The following RGS6 variants were observed in gnomAD, a reference collection of about 807,000 sequenced individuals.
RGS6 encodes regulator of G-protein signaling 6.
In RGS6, 30 loss-of-function variants were observed where a neutral mutation model predicts 78.5. The ratio of observed to expected loss-of-function variants is 0.38; its 90% CI spans 0.29 to 0.52. The LOEUF (loss-of-function observed/expected upper bound fraction) is 0.52, where lower values mean the gene tolerates loss of function less well. Among genes scored for constraint, RGS6 ranks in the 20% least tolerant of loss-of-function variants. The probability of loss-of-function intolerance (pLI) is 0.85; values close to 1 mark genes in which losing one functional copy is unlikely to be tolerated. For synonymous variants in RGS6, 206 were observed against 206.0 expected, an observed-to-expected ratio of 1.00 and a Z score of 0.00; for missense variants, 495 against 609.7, an observed-to-expected ratio of 0.81 and a Z score of 1.98.
the RGS6 span, among the ~76,000 whole-genome samples, chr14:72,595,563 C>T: frequency 2.0e-5 from 3 of 152,178 alleles, no homozygotes; most frequent in Admixed American, 6.5e-5. Flanking sequence ...TATGAAGGTC[C>T]TCATGGTGTT....
chr14:72,154,990 T>C (rs2096749879), intron 2 of RGS6, among the ~76,000 whole-genome samples: 3 of 152,212 alleles, frequency 2.0e-5, no homozygotes, highest in African/African-American at 4.8e-5. Flanking sequence ...AATTCAGTCC[T>C]CCGTATGAAG....
chr14:72,297,468 C>T (rs1176370699), intron 2 of RGS6, among the ~76,000 whole-genome samples: 1 of 150,718 alleles, frequency 6.6e-6, no homozygotes, highest in African/African-American at 2.4e-5. Flanking sequence ...TACATGTGCA[C>T]ATTGTGCAGG....
chr14:72,206,038 A>G (rs1415256137), intron 2 of RGS6, among the ~76,000 whole-genome samples: 4 of 152,260 alleles, frequency 2.6e-5, no homozygotes, highest in African/African-American at 9.6e-5. Flanking sequence ...ATTCTTGCAC[A>G]TATATACAAG....
intron 2 of RGS6, among the ~76,000 whole-genome samples, chr14:72,144,745 C>CT (rs2096585268): frequency 6.8e-6 from 1 of 147,526 alleles, no homozygotes; most frequent in African/African-American, 2.5e-5. Context: ...ATTCATGATT[C>CT]ATTTTTTTTT....
chr14:72,583,845 G>A, the RGS6 span, among the ~76,000 whole-genome samples: 1 of 152,210 alleles, frequency 6.6e-6, no homozygotes, highest in Non-Finnish European at 1.5e-5. Context: ...CTCAGCCATG[G>A]AGGACACCCG....
intron 2 of RGS6, among the ~76,000 whole-genome samples, chr14:72,020,408 G>T (rs2088150933): frequency 6.6e-6 from 1 of 152,176 alleles, no homozygotes; most frequent in Admixed American, 6.5e-5. Flanking sequence ...GGATGAACTG[G>T]TTCTGCCTCC....
intron 2 of RGS6, among the ~76,000 whole-genome samples, chr14:72,132,057 C>T (rs1455418594): frequency 6.6e-6 from 1 of 152,178 alleles, no homozygotes; most frequent in Non-Finnish European, 1.5e-5. Flanking sequence ...GAGCTTTTTA[C>T]ATAGCTTTAT....
At chr14:72,289,846 G>A (rs2063260570) in intron 2 of RGS6, among the ~76,000 whole-genome samples, 1 of 152,136 alleles carries the variant, frequency 6.6e-6, no homozygotes, top group South Asian at 2.1e-4. Context: ...GAAAATCTAG[G>A]CAGATGTTTA....
intron 2 of RGS6, among the ~76,000 whole-genome samples, chr14:72,213,465 C>A (rs537012973): frequency 1.3e-5 from 2 of 152,116 alleles, no homozygotes; most frequent in East Asian, 1.9e-4. Flanking sequence ...GAACGTTTAC[C>A]CCCCTGTGAT....
intron 12 of RGS6, among the ~76,000 whole-genome samples, chr14:72,491,451 C>A (rs1167804947): frequency 6.6e-6 from 1 of 152,190 alleles, no homozygotes; most frequent in Admixed American, 6.5e-5. Context: ...TTCTCCCTTT[C>A]CTCAAATGCA....
intron 3 of RGS6, among the ~76,000 whole-genome samples, chr14:72,444,291 C>T (rs1026868314): frequency 9.9e-5 from 15 of 152,208 alleles, no homozygotes; most frequent in African/African-American, 3.6e-4. Flanking sequence ...GCTGGGTCTC[C>T]TGGCCCCTAT....
chr14:72,241,778 A>G (rs989765280), intron 2 of RGS6, among the ~76,000 whole-genome samples: 7 of 152,252 alleles, frequency 4.6e-5, no homozygotes, highest in African/African-American at 1.4e-4. Context: ...TTTTTTGCCT[A>G]AAGGCATGAA....
chr14:72,174,242 G>A (rs2097071487), intron 2 of RGS6, among the ~76,000 whole-genome samples: 1 of 152,218 alleles, frequency 6.6e-6, no homozygotes, highest in South Asian at 2.1e-4. Flanking sequence ...TGAGTAGCTG[G>A]GATTACAGGC....
intron 2 of RGS6, among the ~76,000 whole-genome samples, chr14:72,250,079 G>T (rs36162266): frequency 0.09 from 11,530 of 128,480 alleles, 666 homozygotes; most frequent in East Asian, 0.27. Context: ...ATCACACTCC[G>T]GGGACTGTTG....
chr14:72,306,302 A>T (rs1257971662), intron 2 of RGS6, among the ~76,000 whole-genome samples: 1 of 152,248 alleles, frequency 6.6e-6, no homozygotes, highest in Non-Finnish European at 1.5e-5. Flanking sequence ...CAAGAGCCTT[A>T]TGAAGATGTA....
chr14:72,085,955 T>C (rs1176139090), intron 2 of RGS6, among the ~76,000 whole-genome samples: 1 of 151,250 alleles, frequency 6.6e-6, no homozygotes, highest in Non-Finnish European at 1.5e-5. Context: ...TTCCTCGTTA[T>C]AATGAGAAAA....
intron 2 of RGS6, among the ~76,000 whole-genome samples, chr14:72,301,224 C>A (rs1173136424): frequency 6.6e-6 from 1 of 152,122 alleles, no homozygotes; most frequent in Admixed American, 6.5e-5. Context: ...AATATGCAAT[C>A]CTTGACCAAT....
the RGS6 span, among the ~76,000 whole-genome samples, chr14:72,574,918 T>C: frequency 2.6e-5 from 4 of 152,026 alleles, no homozygotes; most frequent in East Asian, 5.8e-4. Flanking sequence ...GCAGTGAGGG[T>C]GCAGAGAGGG....
intron 2 of RGS6, among the ~76,000 whole-genome samples, chr14:72,091,462 G>A (rs1041187605): frequency 6.6e-6 from 1 of 152,144 alleles, no homozygotes; most frequent in Non-Finnish European, 1.5e-5. Flanking sequence ...TCATCTTTCA[G>A]TAAAGAGGCC....
Sources: gnomAD v4.1 joint callset for allele counts (sites outside exome capture counted in the v4.1 genomes callset) on GRCh38, gnomAD v4.1.1 for gene constraint, MANE v1.5 for transcripts, NCBI Gene and HGNC (gene_info 2026-07-23, HGNC 2026-07-21) for gene names.